The following RAB28 variants were observed in gnomAD, a reference collection of about 807,000 sequenced individuals.
RAB28 encodes ras-related protein Rab-28.
In RAB28, 24 loss-of-function variants were observed where a neutral mutation model predicts 31.7. That is an observed-to-expected ratio of 0.76 (90% confidence interval 0.55 to 1.06). The LOEUF is 1.06. RAB28 is among the 50% of genes least tolerant of loss of function. The pLI is 0.00. For missense variants in RAB28, 254 were observed against 258.5 expected, an observed-to-expected ratio of 0.98 and a Z score of 0.12; for synonymous variants, 100 against 90.4, an observed-to-expected ratio of 1.11 and a Z score of -0.60.
chr4:13,440,983 C>A (rs1714383088), intron 4 of RAB28, among the ~76,000 whole-genome samples: 1 of 151,836 alleles, frequency 6.6e-6, no homozygotes, highest in Non-Finnish European at 1.5e-5. Flanking sequence ...ATGTGGAACT[C>A]AAATGGGAGC....
chr4:13,428,291 A>C (rs1222748210), intron 4 of RAB28, among the ~76,000 whole-genome samples: 2 of 152,210 alleles, frequency 1.3e-5, no homozygotes, highest in Non-Finnish European at 2.9e-5. Context: ...CTCCTCCCTT[A>C]TAAGCACCCT....
chr4:13,422,700 T>C (rs1713235213), intron 4 of RAB28, among the ~76,000 whole-genome samples: 2 of 148,210 alleles, frequency 1.3e-5, no homozygotes, highest in South Asian at 2.1e-4. Context: ...AATTGAACAA[T>C]GAGAACACTT....
At chr4:13,375,995 C>A (rs992064480) in intron 6 of RAB28, among the ~76,000 whole-genome samples, 1 of 152,096 alleles carries the variant, frequency 6.6e-6, no homozygotes, top group East Asian at 1.9e-4. Flanking sequence ...GGCTCTTACT[C>A]TGATTTTTCA....
At chr4:13,426,488 A>G (rs1279065993) in intron 4 of RAB28, among the ~76,000 whole-genome samples, 1 of 152,160 alleles carries the variant, frequency 6.6e-6, no homozygotes, top group Non-Finnish European at 1.5e-5. Context: ...AAATATTTAC[A>G]AAGTACTGAT....
Position 13,367,729 on chromosome 4 carries a change from TAAATA to T in RAB28, c.*824_*828del, listed in dbSNP as rs1420069299. On this transcript the variant is annotated 3_prime_UTR_variant, in exon 7 of 7. Transcript: ENST00000330852. The stretch of plus-strand genomic sequence containing the variant: ...AAGAAAATTGCCAAAAGAAGTAATT[TAAATA>T]AGTTTATTTGTGAAAGAAAAACATC... 1.0e-6 allele frequency: 1 copy of T among 980,150 alleles called. No homozygotes were observed. The highest frequency in any genetic ancestry group is 1.2e-6 in the Non-Finnish European group (1 of 825,202). The allele number at this position is 980,150 out of a possible 1,614,324, so 60.7% of individuals were successfully genotyped here.
chr4:13,445,943 A>G (rs1714671196), intron 4 of RAB28, among the ~76,000 whole-genome samples: 1 of 152,186 alleles, frequency 6.6e-6, no homozygotes, highest in African/African-American at 2.4e-5. Context: ...CAGGCAGGAA[A>G]GATTAAGTCC....
intron 6 of RAB28, among the ~76,000 whole-genome samples, chr4:13,373,959 A>ATGTATGTATGTGTATGTG (rs574362033): frequency 1.8e-4 from 27 of 151,308 alleles, no homozygotes; most frequent in African/African-American, 6.6e-4. Context: ...GTATGTATGT[A>ATGTATGTATGTGTATGTG]TGTGTGTGTG....
At chr4:13,472,831 G>A (rs200402389) in intron 3 of RAB28, among the ~76,000 whole-genome samples, 2 of 150,194 alleles carry the variant, frequency 1.3e-5, no homozygotes, top group South Asian at 2.1e-4. Flanking sequence ...AACAGAAAAT[G>A]AATAAATAAA....
intron 4 of RAB28, among the ~76,000 whole-genome samples, chr4:13,442,863 C>T (rs1406274990): frequency 6.6e-6 from 1 of 152,100 alleles, no homozygotes; most frequent in Non-Finnish European, 1.5e-5. Flanking sequence ...GGGTAGGGAC[C>T]TTACCACAGT....
intron 4 of RAB28, among the ~76,000 whole-genome samples, chr4:13,391,961 G>A (rs1035629472): frequency 1.3e-5 from 2 of 151,984 alleles, no homozygotes; most frequent in African/African-American, 4.8e-5. Context: ...TGTAAATGAT[G>A]AGGCATTTAC....
At chr4:13,442,739 T>A (rs1714489017) in intron 4 of RAB28, among the ~76,000 whole-genome samples, 1 of 152,188 alleles carries the variant, frequency 6.6e-6, no homozygotes, top group South Asian at 2.1e-4. Flanking sequence ...CACTATTATA[T>A]AACAGATATG....
intron 3 of RAB28, among the ~76,000 whole-genome samples, chr4:13,464,705 A>C (rs1378116748): frequency 6.6e-6 from 1 of 152,156 alleles, no homozygotes; most frequent in Non-Finnish European, 1.5e-5. Context: ...AATGCAGCAC[A>C]GTGTAAAGCC....
At chr4:13,479,852 G>C (rs904279411) in intron 1 of RAB28, among the ~76,000 whole-genome samples, 2 of 151,508 alleles carry the variant, frequency 1.3e-5, no homozygotes, top group African/African-American at 4.8e-5. Context: ...ATAAAGATCT[G>C]AATTATTTTA....
At chr4:13,480,080 T>C (rs1716542833) in intron 1 of RAB28, among the ~76,000 whole-genome samples, 1 of 151,684 alleles carries the variant, frequency 6.6e-6, no homozygotes, top group South Asian at 2.1e-4. Flanking sequence ...ACTGTGACAA[T>C]ATGTACCTCT....
chr4:13,458,505 G>A (rs1715422070), intron 4 of RAB28, among the ~76,000 whole-genome samples: 1 of 152,020 alleles, frequency 6.6e-6, no homozygotes, highest in African/African-American at 2.4e-5. Context: ...TTGTTGTCAG[G>A]AAATAATACC....
At chr4:13,430,134 C>CA (rs996235701) in intron 4 of RAB28, among the ~76,000 whole-genome samples, 1 of 151,540 alleles carries the variant, frequency 6.6e-6, no homozygotes. Context: ...TATCTGTATG[C>CA]AAAAAAACAG....
chr4:13,459,755 A>C, intron 4 of RAB28: 1 of 1,098,178 alleles, frequency 9.1e-7, no homozygotes, highest in Non-Finnish European at 1.1e-6. Context: ...CAGGAGCAAG[A>C]AACAATGCAT....
At chr4:13,473,225 A>G (rs1716200803) in intron 3 of RAB28, among the ~76,000 whole-genome samples, 1 of 151,980 alleles carries the variant, frequency 6.6e-6, no homozygotes, top group African/African-American at 2.4e-5. Flanking sequence ...TCTCCATCCT[A>G]TAGAATCATT....
chr4:13,392,887 T>C (rs1396855619), intron 4 of RAB28, among the ~76,000 whole-genome samples: 4 of 152,140 alleles, frequency 2.6e-5, no homozygotes, highest in African/African-American at 9.7e-5. Flanking sequence ...ATCTATAAAA[T>C]GAAAACAATA....
Sources: allele counts gnomAD v4.1 joint callset (sites outside exome capture counted in the v4.1 genomes callset), GRCh38; gene constraint gnomAD v4.1.1; transcripts MANE v1.5; gene names NCBI Gene and HGNC (gene_info 2026-07-23, HGNC 2026-07-21).